Variants in FBXW7 observed in about 807,000 individuals in gnomAD.
FBXW7 encodes the protein F-box and WD repeat domain containing 7, also known as F-box/WD repeat-containing protein 7.
In FBXW7, 11 loss-of-function variants were observed where a neutral mutation model predicts 86.3. The ratio of observed to expected loss-of-function variants is 0.13; its 90% CI spans 0.08 to 0.21. The LOEUF (loss-of-function observed/expected upper bound fraction) is 0.21. Among genes scored for constraint, FBXW7 ranks in the 10% least tolerant of loss-of-function variants. The pLI is 1.00. For missense variants in FBXW7, 488 were observed against 847.4 expected (o/e 0.58, Z 5.27); for synonymous variants, 313 against 297.9 (o/e 1.05, Z -0.52).
intron 2 of FBXW7, among the ~76,000 whole-genome samples, chr4:152,457,643 C>CAAAA (rs769232533): frequency 1.9e-4 from 11 of 57,406 alleles, no homozygotes; most frequent in Non-Finnish European, 2.6e-4. Context: ...GACTCTGTCT[C>CAAAA]AAAAAAAAAA....
At chr4:152,380,433 T>G (rs894903641) in intron 4 of FBXW7, among the ~76,000 whole-genome samples, 1 of 152,030 alleles carries the variant, frequency 6.6e-6, no homozygotes, top group Admixed American at 6.6e-5. Flanking sequence ...CAGGCTAAAA[T>G]TGAATGTGTT....
At chr4:152,461,002 C>A (rs753732106) in intron 2 of FBXW7, among the ~76,000 whole-genome samples, 2 of 152,124 alleles carry the variant, frequency 1.3e-5, no homozygotes, top group Non-Finnish European at 2.9e-5. Context: ...TTTGCTTGGC[C>A]GAGCACAGTG....
intron 4 of FBXW7, among the ~76,000 whole-genome samples, chr4:152,362,824 CTCT>C (rs1480964004): frequency 2.3e-5 from 2 of 88,840 alleles, no homozygotes; most frequent in Non-Finnish European, 5.1e-5. Context: ...GAAACTCTCT[CTCT>C]CAAAAAAAAA....
chr4:152,423,180 A>G (rs999233191), intron 2 of FBXW7, among the ~76,000 whole-genome samples: 2 of 152,136 alleles, frequency 1.3e-5, no homozygotes, highest in Non-Finnish European at 2.9e-5. Flanking sequence ...CATTGCCTCC[A>G]TCCATTAATA....
intron 4 of FBXW7, among the ~76,000 whole-genome samples, chr4:152,386,313 G>T (rs1489642737): frequency 2.0e-5 from 3 of 152,014 alleles, no homozygotes; most frequent in Admixed American, 2.0e-4. Context: ...TACCAGGTAT[G>T]ACCTTAATTT....
At chr4:152,378,344 A>G (rs749694741) in intron 4 of FBXW7, among the ~76,000 whole-genome samples, 1 of 152,210 alleles carries the variant, frequency 6.6e-6, no homozygotes, top group Admixed American at 6.5e-5. Flanking sequence ...CGTCAGTTGT[A>G]TATTTCACTA....
intron 4 of FBXW7, among the ~76,000 whole-genome samples, chr4:152,400,113 A>C (rs1273171251): frequency 6.6e-6 from 1 of 152,210 alleles, no homozygotes; most frequent in Non-Finnish European, 1.5e-5. Context: ...AAGTAGATGA[A>C]TGGAACAGAA....
chr4:152,336,825 C>A (rs184957810), intron 7 of FBXW7, among the ~76,000 whole-genome samples: 1 of 151,928 alleles, frequency 6.6e-6, no homozygotes, highest in South Asian at 2.1e-4. Context: ...TCGTATCCAA[C>A]GTGCAATTCT....
chr4:152,518,892 T>C (rs1748747618), intron 2 of FBXW7, among the ~76,000 whole-genome samples: 2 of 152,080 alleles, frequency 1.3e-5, no homozygotes, highest in South Asian at 4.3e-4. Flanking sequence ...ATGAAATATC[T>C]ATAAATAAAC....
intron 2 of FBXW7, among the ~76,000 whole-genome samples, chr4:152,498,476 T>C (rs1274203875): frequency 6.6e-6 from 1 of 152,212 alleles, no homozygotes; most frequent in African/African-American, 2.4e-5. Context: ...ATCACTGTGA[T>C]TCTCAGCAAC....
At chr4:152,358,184 A>G (rs1201700127) in intron 4 of FBXW7, among the ~76,000 whole-genome samples, 1 of 152,236 alleles carries the variant, frequency 6.6e-6, no homozygotes, top group Non-Finnish European at 1.5e-5. Flanking sequence ...ATCATGGAAA[A>G]AAAGTATAAA....
chr4:152,504,171 T>A (rs1007053508), intron 2 of FBXW7, among the ~76,000 whole-genome samples: 1 of 152,014 alleles, frequency 6.6e-6, no homozygotes, highest in Non-Finnish European at 1.5e-5. Flanking sequence ...AAAGGTAGAG[T>A]TTATTTATGA....
At chr4:152,380,195 G>A (rs1020889108) in intron 4 of FBXW7, among the ~76,000 whole-genome samples, 4 of 151,774 alleles carry the variant, frequency 2.6e-5, no homozygotes, top group African/African-American at 4.8e-5. Flanking sequence ...AAAAATACCC[G>A]ATGTAAAAGC....
intron 2 of FBXW7, among the ~76,000 whole-genome samples, chr4:152,514,588 G>C (rs1483739485): frequency 1.3e-5 from 2 of 152,140 alleles, no homozygotes; most frequent in African/African-American, 4.8e-5. Flanking sequence ...CACATAAACA[G>C]CTTGTGCTAT....
chr4:152,423,677 T>C (rs1739137511), intron 2 of FBXW7, among the ~76,000 whole-genome samples: 1 of 152,052 alleles, frequency 6.6e-6, no homozygotes, highest in East Asian at 1.9e-4. Context: ...CAGCTAACAA[T>C]ATAGACAAAT....
intron 4 of FBXW7, among the ~76,000 whole-genome samples, chr4:152,378,365 TCC>T (rs1341242206): frequency 6.6e-6 from 1 of 152,200 alleles, no homozygotes; most frequent in Non-Finnish European, 1.5e-5. Flanking sequence ...TTTCCTGAGT[TCC>T]TGGGTCTCAG....
intron 2 of FBXW7, among the ~76,000 whole-genome samples, chr4:152,431,313 G>A (rs543643747): frequency 6.6e-6 from 1 of 152,060 alleles, no homozygotes; most frequent in East Asian, 2.0e-4. Flanking sequence ...ATTCTGCAAG[G>A]TAGAATGAGA....
chr4:152,504,491 G>C (rs1052317719), intron 2 of FBXW7, among the ~76,000 whole-genome samples: 2 of 152,084 alleles, frequency 1.3e-5, no homozygotes, highest in African/African-American at 4.8e-5. Context: ...AAGAGTTCAT[G>C]AATTTGCTTA....
rs201860742 is a variant in FBXW7 at position 152,435,406 on chromosome 4, C to T, written c.-119-22877G>A. On this transcript the variant is annotated intron_variant, in intron 2 of 13. Coordinates refer to ENST00000281708, the MANE Select transcript of FBXW7 (RefSeq NM_001349798.2). ...TTATGCATCGCAGGCAGGAATATGA[C>T]GGAAGTGATACTATGTTTCTCTCAT... Among the ~76,000 whole-genome samples, 7 of 152,196 alleles carry T rather than the reference C, an allele frequency of 4.6e-5. No individual in the cohort carries two copies. In the East Asian group the frequency reaches 1.4e-3, roughly 29 times the overall value.
Sources: gnomAD v4.1 joint callset for allele counts (sites outside exome capture counted in the v4.1 genomes callset) on GRCh38, gnomAD v4.1.1 for gene constraint, MANE v1.5 for transcripts, NCBI Gene and HGNC (gene_info 2026-07-23, HGNC 2026-07-21) for gene names.